Variants in EXOC6B observed in about 807,000 individuals in gnomAD.
EXOC6B encodes exocyst complex component 6B.
EXOC6B carries 54 observed loss-of-function variants against 113.5 expected under a neutral mutation model. The ratio of observed to expected loss-of-function variants is 0.48; its 90% CI spans 0.38 to 0.60. The LOEUF (loss-of-function observed/expected upper bound fraction) is 0.60, where lower values mean the gene tolerates loss of function less well. Ranked by LOEUF, EXOC6B falls within the 20% of genes least tolerant of loss-of-function variation. The pLI, the probability that EXOC6B is intolerant of heterozygous loss-of-function variation, is 0.00. For synonymous variants in EXOC6B, 357 were observed against 339.0 expected (o/e 1.05, Z -0.58); for missense variants, 797 against 977.5 (o/e 0.82, Z 2.46).
At chr2:72,715,900 T>C (rs923772056) in intron 6 of EXOC6B, among the ~76,000 whole-genome samples, 3 of 152,060 alleles carry the variant, frequency 2.0e-5, no homozygotes, top group Non-Finnish European at 4.4e-5. Flanking sequence ...ACATGGGCCA[T>C]TGGACTGTTG....
At chr2:72,194,578 TC>T (rs1181585500) in intron 20 of EXOC6B, among the ~76,000 whole-genome samples, 1 of 151,428 alleles carries the variant, frequency 6.6e-6, no homozygotes, top group Admixed American at 6.6e-5. Flanking sequence ...TTTCTCTCTC[TC>T]TCTCTCTCTC....
intron 18 of EXOC6B, among the ~76,000 whole-genome samples, chr2:72,422,033 G>C (rs1000084918): frequency 6.6e-6 from 1 of 152,332 alleles, no homozygotes; most frequent in African/African-American, 2.4e-5. Context: ...TGCTGCGCTC[G>C]ATTTCTCACT....
chr2:72,771,354 T>A (rs548813797), intron 1 of EXOC6B, among the ~76,000 whole-genome samples: 1 of 152,334 alleles, frequency 6.6e-6, no homozygotes, highest in East Asian at 1.9e-4. Flanking sequence ...CCTACATATA[T>A]ATGCATGCTT....
chr2:72,515,855 C>T, intron 8 of EXOC6B: 1 of 468,584 alleles, frequency 2.1e-6, no homozygotes, highest in Non-Finnish European at 2.8e-6. Context: ...AGATGTGATC[C>T]TATCAGTGGA....
At chr2:72,362,858 C>A (rs887623637) in intron 19 of EXOC6B, among the ~76,000 whole-genome samples, 10 of 152,114 alleles carry the variant, frequency 6.6e-5, no homozygotes, top group African/African-American at 2.2e-4. Flanking sequence ...CATATATCTG[C>A]TGACTGAATG....
chr2:72,824,873 C>T (rs952881074), intron 1 of EXOC6B, among the ~76,000 whole-genome samples: 2 of 152,142 alleles, frequency 1.3e-5, no homozygotes, highest in Admixed American at 1.3e-4. Context: ...GGTTAAGTGT[C>T]TGGGTCCAGG....
intron 19 of EXOC6B, among the ~76,000 whole-genome samples, chr2:72,357,671 A>G (rs1474508867): frequency 6.7e-6 from 1 of 148,768 alleles, no homozygotes; most frequent in Non-Finnish European, 1.5e-5. Context: ...AGCCTGGGCA[A>G]CAGAGCAAGA....
At position 72,575,632 on chromosome 2, in the gene EXOC6B, G is replaced by C; in HGVS notation, c.706C>G (p.Gln236Glu). 1.2e-6 allele frequency: 2 copies of C among 1,604,200 alleles called. No homozygotes were observed. The highest frequency in any genetic ancestry group is 1.7e-6 in the Non-Finnish European group (2 of 1,176,184). ...QQRNLDNIVLQQPRIGSKRKS... is the reference protein window; with the variant it reads ...QQRNLDNIVLEQPRIGSKRKS... ...CTCTTGCTACCTATTCTGGGTTGTT[G>C]CAAGACGATGTTATCCAGGTTTCTT... Residue 236 changes from glutamine (Q) to glutamate (E), a missense_variant, in exon 7 of 22, where the codon CAA (glutamine) becomes GAA (glutamate). Physicochemically the swap from Gln to Glu is conservative, Grantham distance 29. Coordinates refer to ENST00000272427, the MANE Select transcript of EXOC6B (RefSeq NM_015189.3).
chr2:72,476,377 T>C (rs67491855), intron 17 of EXOC6B, among the ~76,000 whole-genome samples: 33,766 of 152,142 alleles, frequency 0.22, 6,102 homozygotes, highest in African/African-American at 0.5. Context: ...GTGGTCTATT[T>C]GAAATGTGAT....
intron 2 of EXOC6B, 44 bp downstream of exon 2, chr2:72,741,260 C>G: frequency 1.3e-6 from 2 of 1,566,516 alleles, no homozygotes; most frequent in Non-Finnish European, 1.7e-6. Context: ...TAATCAAAAC[C>G]CCAACACAGG....
intron 1 of EXOC6B, among the ~76,000 whole-genome samples, chr2:72,761,624 A>G (rs932879210): frequency 2.6e-5 from 4 of 152,222 alleles, no homozygotes; most frequent in African/African-American, 9.6e-5. Context: ...CAAATTAAAT[A>G]GACACTGTTT....
chr2:72,207,677 C>T (rs1025290459), intron 20 of EXOC6B, among the ~76,000 whole-genome samples: 6 of 152,124 alleles, frequency 3.9e-5, no homozygotes, highest in Admixed American at 3.9e-4. Flanking sequence ...TTCCCATTAG[C>T]AGGTATCACA....
chr2:72,209,223 CAAAAAAA>C (rs1170760516), intron 20 of EXOC6B, among the ~76,000 whole-genome samples: 11 of 57,108 alleles, frequency 1.9e-4, no homozygotes, highest in Middle Eastern at 0.014. Flanking sequence ...AACTCAGTCT[CAAAAAAA>C]AAAAAAAAAA....
At chr2:72,467,412 T>C (rs1698123240) in intron 17 of EXOC6B, among the ~76,000 whole-genome samples, 1 of 152,232 alleles carries the variant, frequency 6.6e-6, no homozygotes, top group Admixed American at 6.5e-5. Context: ...ACCTCCATAC[T>C]GTTTTCCACA....
intron 20 of EXOC6B, among the ~76,000 whole-genome samples, chr2:72,292,172 AGTGTGTGTGTGTGTGTGT>A (rs58303616): frequency 2.9e-5 from 4 of 139,294 alleles, no homozygotes; most frequent in African/African-American, 1.1e-4. Context: ...TCCAGAAGTA[AGTGTGTGTGTGTGTGTGT>A]GTGTGTGTGT....
At chr2:72,298,693 T>C (rs1466173047) in intron 20 of EXOC6B, among the ~76,000 whole-genome samples, 3 of 152,064 alleles carry the variant, frequency 2.0e-5, no homozygotes, top group Non-Finnish European at 4.4e-5. Context: ...GGTGACAAAA[T>C]CTCAGCATTT....
intron 18 of EXOC6B, among the ~76,000 whole-genome samples, chr2:72,397,479 G>A (rs1692798225): frequency 6.6e-6 from 1 of 151,474 alleles, no homozygotes; most frequent in African/African-American, 2.4e-5. Context: ...AATTAGCCGG[G>A]CATGGTGGCA....
At chr2:72,301,142 A>G (rs1686499807) in intron 20 of EXOC6B, among the ~76,000 whole-genome samples, 1 of 152,204 alleles carries the variant, frequency 6.6e-6, no homozygotes, top group Admixed American at 6.5e-5. Context: ...GTGATGAATC[A>G]CATTTACTGA....
chr2:72,825,421 T>C lies in EXOC6B; in HGVS notation c.113+377A>G, dbSNP rs1165611568. 6.6e-6 allele frequency among the ~76,000 whole-genome samples: 1 copy of C among 152,202 alleles called. No homozygotes were observed. The highest frequency in any genetic ancestry group is 1.5e-5 in the Non-Finnish European group (1 of 68,026). Reference sequence around the variant, plus strand: ...TTCTGTGTTGTCTGAAGAGCAGGACTCCTGTCTAGGGCAGGACGTAGTTAG... The same window carrying C: ...TTCTGTGTTGTCTGAAGAGCAGGACCCCTGTCTAGGGCAGGACGTAGTTAG... On this transcript the variant is annotated intron_variant, in intron 1 of 21. Coordinates refer to ENST00000272427, the MANE Select transcript of EXOC6B (RefSeq NM_015189.3). The surrounding 1 kb of genome is among the most constrained non-coding windows in gnomAD (Gnocchi z 4.4).
Sources: gnomAD v4.1 joint callset for allele counts (sites outside exome capture counted in the v4.1 genomes callset) on GRCh38, gnomAD v4.1.1 for gene constraint, Gnocchi (gnomAD v3.1) non-coding constraint, MANE v1.5 for transcripts, NCBI Gene and HGNC (gene_info 2026-07-23, HGNC 2026-07-21) for gene names.